Variants in ANXA11 observed in about 807,000 individuals in gnomAD.
ANXA11 encodes the protein annexin A11.
In ANXA11, 57 loss-of-function variants were observed where a neutral mutation model predicts 64.7. The observed-to-expected ratio is 0.88, with a 90% confidence interval of 0.71 to 1.10. The LOEUF is 1.10. Ranked by LOEUF, ANXA11 falls within the 50% of genes least tolerant of loss-of-function variation. The probability of loss-of-function intolerance (pLI) is 0.00; values close to 1 mark genes in which losing one functional copy is unlikely to be tolerated. For missense variants in ANXA11, 675 were observed against 670.7 expected, an observed-to-expected ratio of 1.01 and a Z score of -0.07; for synonymous variants, 260 against 265.2, an observed-to-expected ratio of 0.98 and a Z score of 0.19.
chr10:80,169,863 G>A (rs34753982), intron 4 of ANXA11, among the ~76,000 whole-genome samples: 3,983 of 151,940 alleles, frequency 0.026, 71 homozygotes, highest in Middle Eastern at 0.051. Context: ...TCACCCCCTC[G>A]CCTTTCCACT....
In ANXA11 at chr10:80,152,084, A is replaced by G. The variant is rs919243238; in HGVS notation, c.*3769T>C. On this transcript the variant is annotated 3_prime_UTR_variant, in exon 16 of 16. Coordinates refer to ENST00000422982, the MANE Select transcript of ANXA11 (RefSeq NM_145868.2). ...GGCTATCTGTCTCAGGTGCAAAACTATTTAATAGTGTTTCCTCCAGCGCCC... is the reference window on the plus strand; with the variant it reads ...GGCTATCTGTCTCAGGTGCAAAACTGTTTAATAGTGTTTCCTCCAGCGCCC... 6 of 152,194 alleles carry G rather than the reference A, an allele frequency of 3.9e-5. No homozygotes were observed. Among genetic ancestry groups the G allele is most frequent in the Admixed American group, 3.3e-4 (5 of 15,276 alleles). The allele number at this position is 152,194 out of a possible 1,614,324, so 9.4% of individuals were successfully genotyped here.
intron 15 of ANXA11, among the ~76,000 whole-genome samples, chr10:80,156,189 C>A (rs754871519): frequency 6.6e-6 from 1 of 152,256 alleles, no homozygotes; most frequent in Non-Finnish European, 1.5e-5. Flanking sequence ...CTAAAAACCA[C>A]TTCCCAGGGC....
chr10:80,162,596 G>A (rs1286992854), intron 11 of ANXA11, among the ~76,000 whole-genome samples: 1 of 152,240 alleles, frequency 6.6e-6, no homozygotes, highest in Non-Finnish European at 1.5e-5. Flanking sequence ...CGGAAAAGGA[G>A]GACCAGCAAA....
chr10:80,176,567 A>T (rs978143250), intron 1 of ANXA11, among the ~76,000 whole-genome samples: 2 of 152,184 alleles, frequency 1.3e-5, no homozygotes, highest in Admixed American at 6.5e-5. Flanking sequence ...AACAACTTTT[A>T]AAAAGGCCCA....
chr10:80,183,826 T>C (rs895383343), intron 1 of ANXA11, among the ~76,000 whole-genome samples: 2 of 152,154 alleles, frequency 1.3e-5, no homozygotes, highest in Admixed American at 6.5e-5. Context: ...CCTCAGTGCA[T>C]CAGCTCACAG....
intron 1 of ANXA11, among the ~76,000 whole-genome samples, chr10:80,196,752 T>C (rs958484516): frequency 2.6e-5 from 4 of 152,156 alleles, no homozygotes; most frequent in Non-Finnish European, 5.9e-5. Context: ...ACAAAAAGCC[T>C]ACACAGGTGC....
At chr10:80,166,014 ACGCATGCGCGCGTGCGCACACACG>A (rs1219516323) in intron 8 of ANXA11, 46 bp downstream of exon 8, 8 of 987,010 alleles carry the variant, frequency 8.1e-6, no homozygotes, top group African/African-American at 3.3e-5. Context: ...GTGTGTCCAC[ACGCATGCGCGCGTGCGCACACACG>A]CGCGCACACA....
chr10:80,163,998 A>C, intron 9 of ANXA11, 55 bp downstream of exon 9: 1 of 1,482,134 alleles, frequency 6.7e-7, no homozygotes, highest in Non-Finnish European at 9.4e-7. Flanking sequence ...CACAGCCCCA[A>C]GAGCACAGGG....
chr10:80,168,962 C>A lies in ANXA11; in HGVS notation c.561+7G>T. 6.6e-7 allele frequency: 1 copy of A among 1,520,252 alleles called. No homozygotes were observed. The highest frequency in any genetic ancestry group is 8.8e-7 in the Non-Finnish European group (1 of 1,139,152). The allele number at this position is 1,520,252 out of a possible 1,614,324, so 94.2% of individuals were successfully genotyped here. A position where few individuals can be genotyped will look rare whatever the true frequency, so the allele number is the denominator to read the frequency against. On this transcript the variant is annotated splice_region_variant and intron_variant, in intron 5 of 15. Transcript: ENST00000422982. ...TGGACCAAGGGAGGCAGTGGGCTGA[C>A]ACTCACCTGGGTTGGGGGCACAGCG...
At chr10:80,159,287 T>G in intron 12 of ANXA11, 92 bp from the exon 13 acceptor site, 1 of 998,160 alleles carries the variant, frequency 1.0e-6, no homozygotes, top group Non-Finnish European at 1.6e-6. Context: ...CTTCAGAATA[T>G]AACCGTGTTT....
intron 8 of ANXA11, among the ~76,000 whole-genome samples, chr10:80,165,611 A>G (rs1208730829): frequency 6.6e-6 from 1 of 152,140 alleles, no homozygotes; most frequent in Non-Finnish European, 1.5e-5. Flanking sequence ...CGCTCAGGAG[A>G]GACAGAGACC....
rs1845342443 is a variant in ANXA11, at chr10:80,157,955, G to C, written c.1335+12C>G. The C allele has an allele frequency of 6.2e-7, 1 of 1,613,522 alleles. No homozygotes were observed. The highest frequency in any genetic ancestry group is 8.5e-7 in the Non-Finnish European group (1 of 1,179,570). The stretch of plus-strand genomic sequence containing the variant: ...AAGGTTCCATCGCAACCTGCACATG[G>C]AAGTTACATACCCTCATGGCCTTGT... On this transcript the variant is annotated intron_variant, in intron 14 of 15. Transcript: ENST00000422982.
At chr10:80,179,199 C>G (rs1034981941) in intron 1 of ANXA11, among the ~76,000 whole-genome samples, 2 of 152,116 alleles carry the variant, frequency 1.3e-5, no homozygotes, top group African/African-American at 4.8e-5. Flanking sequence ...AGCGCCTCCT[C>G]CCCACACCTC....
intron 1 of ANXA11, among the ~76,000 whole-genome samples, chr10:80,201,501 T>C (rs1259136577): frequency 3.9e-5 from 6 of 152,106 alleles, no homozygotes; most frequent in African/African-American, 7.2e-5. Context: ...AAACACAACA[T>C]GTCCAAAACC....
intron 12 of ANXA11, 34 bp from the exon 13 acceptor site, chr10:80,159,229 GAA>G: frequency 6.4e-7 from 1 of 1,557,964 alleles, no homozygotes; most frequent in East Asian, 2.2e-5. Context: ...ATTATGAACT[GAA>G]ATGTGTCTCC....
rs12241341 is a variant in ANXA11 at position 80,191,510 on chromosome 10, T to C, written c.-58+13833A>G. 1.6e-3 allele frequency among the ~76,000 whole-genome samples: 247 copies of C among 152,338 alleles called. 1 individual carries two copies. Among genetic ancestry groups the C allele is most frequent in the African/African-American group, 5.6e-3 (232 of 41,574 alleles). On this transcript the variant is annotated intron_variant, in intron 1 of 15. Coordinates refer to ENST00000422982, the MANE Select transcript of ANXA11 (RefSeq NM_145868.2). ...TCTCTTTCCAAAGGCCTCTGTTCTCTTTGCATAAGAGCTCTGTGAACATGT... is the reference window on the plus strand; with the variant it reads ...TCTCTTTCCAAAGGCCTCTGTTCTCCTTGCATAAGAGCTCTGTGAACATGT...
In ANXA11 at chr10:80,205,397, C is replaced by G. The variant is rs968577568; in HGVS notation, c.-112G>C. ...CGAAATGGGACGTGGGCGGGAGTGG[C>G]TCTCTCCGCGGGCGTCCCGGGCGCG... On this transcript the variant is annotated 5_prime_UTR_variant, in exon 1 of 16. Transcript: ENST00000422982. The G allele has an allele frequency of 6.6e-6, 1 of 151,452 alleles. No individual in the cohort carries two copies. Among genetic ancestry groups the G allele is most frequent in the Non-Finnish European group, 1.5e-5 (1 of 67,964 alleles). The allele number at this position is 151,452 out of a possible 1,614,324, so 9.4% of individuals were successfully genotyped here. A position where few individuals can be genotyped will look rare whatever the true frequency, so the allele number is the denominator to read the frequency against.
intron 9 of ANXA11, 27 bp downstream of exon 9, chr10:80,164,012 TGCAGAGGGCAGAGG>T (rs377206554): frequency 7.7e-6 from 12 of 1,548,808 alleles, no homozygotes; most frequent in African/African-American, 2.7e-5. Flanking sequence ...CACAGGGATC[TGCAGAGGGCAGAGG>T]GCAGAGGGCA....
chr10:80,170,806 C>A lies in ANXA11; in HGVS notation c.165G>T (p.Ser55=). 1 of 1,482,758 alleles carries A rather than the reference C, an allele frequency of 6.7e-7. No individual in the cohort carries two copies. The highest frequency in any genetic ancestry group is 1.4e-5 in the African/African-American group (1 of 70,386). The allele number at this position is 1,482,758 out of a possible 1,614,324, so 91.9% of individuals were successfully genotyped here. The stretch of plus-strand genomic sequence containing the variant: ...GCAGGAGAGCTGGACTCACCATTCC[C>A]GAGAGATAGTCCTGGTTGAACTGCC... ...YAGQFNQDYL[S]GMAANMSGTF... is the part of the protein sequence containing the mutation. The change falls in exon 4 of 16, where the codon TCG becomes TCT. Residue 55 remains serine, a synonymous_variant. Transcript: ENST00000422982.
Sources: gnomAD v4.1 joint callset for allele counts (sites outside exome capture counted in the v4.1 genomes callset) on GRCh38, gnomAD v4.1.1 for gene constraint, MANE v1.5 for transcripts, NCBI Gene and HGNC (gene_info 2026-07-23, HGNC 2026-07-21) for gene names.